The following SPAG16 variants were observed in gnomAD, a reference collection of about 807,000 sequenced individuals.
The protein encoded by SPAG16 is sperm associated antigen 16.
Under a neutral mutation model 80.4 loss-of-function variants are expected in SPAG16, and 86 were observed. The observed-to-expected ratio is 1.07, with a 90% CI of 0.90 to 1.28. The LOEUF (loss-of-function observed/expected upper bound fraction) is 1.28. SPAG16 is among the 50% of genes most tolerant of loss of function. The pLI, the probability that SPAG16 is intolerant of heterozygous loss-of-function variation, is 0.00. For synonymous variants in SPAG16, 294 were observed against 265.9 expected (o/e 1.11, Z -1.03); for missense variants, 870 against 765.3 (o/e 1.14, Z -1.61).
At chr2:214,251,636 A>T (rs961148553) in intron 15 of SPAG16, among the ~76,000 whole-genome samples, 1 of 152,106 alleles carries the variant, frequency 6.6e-6, no homozygotes, top group Non-Finnish European at 1.5e-5. Flanking sequence ...ACTGAATTTC[A>T]TGGTTTTCTC....
intron 6 of SPAG16, among the ~76,000 whole-genome samples, chr2:213,347,331 A>G (rs1310118625): frequency 6.6e-6 from 1 of 152,152 alleles, no homozygotes; most frequent in Non-Finnish European, 1.5e-5. Context: ...CTTTTCAAAA[A>G]ATCAGCTCCT....
intron 12 of SPAG16, among the ~76,000 whole-genome samples, chr2:213,972,445 G>A (rs946997882): frequency 6.6e-5 from 10 of 152,126 alleles, no homozygotes; most frequent in African/African-American, 2.4e-4. Flanking sequence ...GCCTGAGAAC[G>A]AGGTGCACTG....
intron 7 of SPAG16, among the ~76,000 whole-genome samples, chr2:213,359,565 G>T (rs13384166): frequency 6.6e-6 from 1 of 152,090 alleles, no homozygotes; most frequent in Non-Finnish European, 1.5e-5. Context: ...CTCTGTGGGC[G>T]TCGGACCTGC....
intron 11 of SPAG16, among the ~76,000 whole-genome samples, chr2:213,867,693 C>T (rs551604439): frequency 3.6e-4 from 54 of 151,832 alleles, no homozygotes; most frequent in South Asian, 8.3e-4. Context: ...GAGGCCGAGG[C>T]GGGCGGATCA....
At chr2:214,364,789 A>G (rs1699378684) in intron 15 of SPAG16, among the ~76,000 whole-genome samples, 1 of 152,132 alleles carries the variant, frequency 6.6e-6, no homozygotes, top group African/African-American at 2.4e-5. Context: ...TAGATCAGAG[A>G]TGATTGTGGG....
chr2:213,689,334 T>A (rs888705772), intron 10 of SPAG16, among the ~76,000 whole-genome samples: 10 of 152,210 alleles, frequency 6.6e-5, no homozygotes, highest in Admixed American at 6.5e-4. Context: ...TTCACATGGT[T>A]CAGATTTTCC....
At chr2:213,922,196 A>G (rs2078256979) in intron 11 of SPAG16, among the ~76,000 whole-genome samples, 1 of 152,120 alleles carries the variant, frequency 6.6e-6, no homozygotes, top group Non-Finnish European at 1.5e-5. Context: ...ATAATCCTAT[A>G]TCTTTTGGAG....
chr2:214,403,099 C>A (rs1412740850), intron 15 of SPAG16, among the ~76,000 whole-genome samples: 1 of 151,026 alleles, frequency 6.6e-6, no homozygotes, highest in African/African-American at 2.4e-5. Flanking sequence ...CAGCATGAGC[C>A]TTGGAGTCAT....
intron 9 of SPAG16, among the ~76,000 whole-genome samples, chr2:213,452,368 A>G (rs2071750727): frequency 6.6e-6 from 1 of 152,168 alleles, no homozygotes; most frequent in African/African-American, 2.4e-5. Context: ...CAAACCAGAA[A>G]ACTCAAAGCC....
chr2:213,942,804 A>G (rs1225148776), intron 12 of SPAG16, among the ~76,000 whole-genome samples: 1 of 152,194 alleles, frequency 6.6e-6, no homozygotes, highest in Non-Finnish European at 1.5e-5. Context: ...CATATAGGAA[A>G]AGAAATAATG....
chr2:214,399,751 T>C lies in SPAG16; in HGVS notation c.1721-10389T>C, dbSNP rs1331298917. On this transcript the variant is annotated intron_variant, in intron 15 of 15. Transcript: ENST00000331683. ...AGCCCTTGGTTCCTTTGCCTATTTC[T>C]AAACAACAAAGAAGAATATATCATA... Among the ~76,000 whole-genome samples, 9 of 152,232 alleles carry C rather than the reference T, an allele frequency of 5.9e-5. No individual in the cohort carries two copies. The East Asian group carries it at 1.7e-3, about 29-fold the overall frequency.
intron 15 of SPAG16, among the ~76,000 whole-genome samples, chr2:214,351,749 A>G (rs1698424983): frequency 6.8e-6 from 1 of 146,872 alleles, no homozygotes; most frequent in Non-Finnish European, 1.5e-5. Flanking sequence ...AAATATTGAC[A>G]GTGATGCATG....
Position 213,425,609 on chromosome 2 carries a change from G to A in SPAG16, c.942+50490G>A, listed in dbSNP as rs1263295499. 5.7e-5 allele frequency among the ~76,000 whole-genome samples: 8 copies of A among 140,012 alleles called. No homozygotes were observed. In the Admixed American group the frequency reaches 6.2e-4, roughly 11 times the overall value. 91.9% of individuals were successfully genotyped at this position (140,012 alleles called of 152,430 possible). On this transcript the variant is annotated intron_variant, in intron 9 of 15. Coordinates refer to ENST00000331683, the MANE Select transcript of SPAG16 (RefSeq NM_024532.5). ...AGAGGTTGCAGTGAGCCGAGATGGC[G>A]CCACTGCATTCCAGCCTGGGTGACA...
intron 12 of SPAG16, among the ~76,000 whole-genome samples, chr2:213,957,091 G>T (rs143105173): frequency 2.6e-3 from 389 of 151,908 alleles, no homozygotes; most frequent in Middle Eastern, 6.8e-3. Flanking sequence ...AGAAGAATGT[G>T]TATGTAGCTG....
chr2:213,689,856 T>C (rs756678320), intron 10 of SPAG16, among the ~76,000 whole-genome samples: 10 of 151,876 alleles, frequency 6.6e-5, no homozygotes, highest in Non-Finnish European at 1.3e-4. Flanking sequence ...AGAGAGGCTA[T>C]CCTACTCCAG....
intron 13 of SPAG16, among the ~76,000 whole-genome samples, chr2:214,063,880 T>C (rs2050403638): frequency 6.6e-6 from 1 of 152,178 alleles, no homozygotes; most frequent in Non-Finnish European, 1.5e-5. Context: ...CACTGTAAAC[T>C]CTCCTATGAG....
chr2:213,435,569 A>G (rs549648940), intron 9 of SPAG16, among the ~76,000 whole-genome samples: 54 of 152,302 alleles, frequency 3.5e-4, no homozygotes, highest in Non-Finnish European at 5.0e-4. Flanking sequence ...ATCCTGTTAG[A>G]AAAAAATGTA....
chr2:213,892,243 G>C (rs918315023), intron 11 of SPAG16, among the ~76,000 whole-genome samples: 54 of 152,036 alleles, frequency 3.6e-4, no homozygotes, highest in African/African-American at 1.2e-3. Flanking sequence ...TTTTACTAGA[G>C]CCAAGGCAAA....
intron 10 of SPAG16, among the ~76,000 whole-genome samples, chr2:213,801,737 C>T (rs1440974487): frequency 3.9e-5 from 6 of 152,168 alleles, no homozygotes; most frequent in Non-Finnish European, 8.8e-5. Flanking sequence ...ATCTCAAACT[C>T]ATTTACTTAT....
Sources: gnomAD v4.1 joint callset for allele counts (sites outside exome capture counted in the v4.1 genomes callset) on GRCh38, gnomAD v4.1.1 for gene constraint, MANE v1.5 for transcripts, NCBI Gene and HGNC (gene_info 2026-07-23, HGNC 2026-07-21) for gene names.